CCDC91: variants seen among roughly 807,000 people sequenced by gnomAD.
CCDC91 encodes the protein coiled-coil domain-containing protein 91.
A neutral mutation model predicts 63.2 loss-of-function variants in CCDC91; 48 were observed. The observed-to-expected ratio is 0.76, with a 90% CI of 0.60 to 0.97. The LOEUF (loss-of-function observed/expected upper bound fraction) is 0.97. Ranked by LOEUF, CCDC91 falls within the 50% of genes least tolerant of loss-of-function variation. The probability of loss-of-function intolerance (pLI) is 0.00; values close to 1 mark genes in which losing one functional copy is unlikely to be tolerated. For synonymous variants in CCDC91, 167 were observed against 165.8 expected, an observed-to-expected ratio of 1.01 and a Z score of -0.06; for missense variants, 500 against 494.6, an observed-to-expected ratio of 1.01 and a Z score of -0.10.
At chr12:28,354,471 G>A (rs78041753) in intron 6 of CCDC91, among the ~76,000 whole-genome samples, 1,621 of 152,082 alleles carry the variant, frequency 0.011, 36 homozygotes, top group African/African-American at 0.037. Context: ...GGTTACATGC[G>A]CGGCTACCAG....
At chr12:28,454,589 GC>G (rs1949974526) in intron 11 of CCDC91, among the ~76,000 whole-genome samples, 1 of 152,122 alleles carries the variant, frequency 6.6e-6, no homozygotes, top group Admixed American at 6.6e-5. Context: ...ACAACTGTTT[GC>G]TTGTTAATTT....
At chr12:28,266,632 T>G (rs2136280631) in intron 3 of CCDC91, among the ~76,000 whole-genome samples, 1 of 152,132 alleles carries the variant, frequency 6.6e-6, no homozygotes, top group East Asian at 1.9e-4. Context: ...TTCACATTGC[T>G]TTTTCTAACA....
At chr12:28,368,429 A>G (rs1944410241) in intron 7 of CCDC91, among the ~76,000 whole-genome samples, 1 of 152,108 alleles carries the variant, frequency 6.6e-6, no homozygotes, top group Non-Finnish European at 1.5e-5. Context: ...ATATCCTGCT[A>G]TTGTTAGATG....
At chr12:28,406,210 A>G (rs1326121570) in intron 8 of CCDC91, among the ~76,000 whole-genome samples, 1 of 151,894 alleles carries the variant, frequency 6.6e-6, no homozygotes, top group African/African-American at 2.4e-5. Context: ...TAAGCCCAGC[A>G]TCCATTAGCT....
chr12:28,336,955 T>C (rs995233457), intron 6 of CCDC91, among the ~76,000 whole-genome samples: 2 of 152,182 alleles, frequency 1.3e-5, no homozygotes, highest in Non-Finnish European at 2.9e-5. Context: ...ATATTTTTCA[T>C]CTTTTAGTAT....
At chr12:28,260,414 A>G (rs1946747690) in intron 3 of CCDC91, among the ~76,000 whole-genome samples, 1 of 151,984 alleles carries the variant, frequency 6.6e-6, no homozygotes, top group Non-Finnish European at 1.5e-5. Flanking sequence ...AGTGTAAATG[A>G]GAGAAAGGTG....
At chr12:28,443,518 T>C (rs1949341875) in intron 8 of CCDC91, among the ~76,000 whole-genome samples, 1 of 152,070 alleles carries the variant, frequency 6.6e-6, no homozygotes, top group Non-Finnish European at 1.5e-5. Context: ...ATAAATACAC[T>C]GAGAGCCTCT....
In CCDC91 at chr12:28,391,343, A is replaced by G. The variant is rs200277976; in HGVS notation, c.694A>G (p.Ile232Val). 4 of 1,613,160 alleles carry G rather than the reference A, an allele frequency of 2.5e-6. No individual in the cohort carries two copies. The highest frequency in any genetic ancestry group is 4.5e-5 in the East Asian group (2 of 44,790). ...TTCAGTTAAGCAACAAGTAGAAGCT[A>G]TTGAAAAACAGTACATTTCTGCAAT... ...QSSVKQQVEA[I>V]EKQYISAIEK... Residue 232 changes from isoleucine to valine, a missense_variant, in exon 8 of 13, where the codon ATT becomes GTT. Physicochemically the swap from Ile to Val is conservative, Grantham distance 29. Transcript: ENST00000536442.
In CCDC91 at chr12:28,305,818, CAT is replaced by C. The variant is rs781000374; in HGVS notation, c.267+15_267+16del. On this transcript the variant is annotated intron_variant, in intron 4 of 12. Transcript: ENST00000536442. ...TTCCAAAAGCACAGGTAAAGACAAA[CAT>C]ATTTTTAAAGGAGGTTTGCATATTT... The C allele has an allele frequency of 8.8e-6, 14 of 1,596,420 alleles. No individual in the cohort carries two copies. Among genetic ancestry groups the C allele is most frequent in the African/African-American group, 2.7e-5 (2 of 74,018 alleles).
At chr12:28,347,905 G>A (rs1424848601) in intron 6 of CCDC91, among the ~76,000 whole-genome samples, 1 of 152,204 alleles carries the variant, frequency 6.6e-6, no homozygotes, top group Admixed American at 6.5e-5. Flanking sequence ...GAAATCTAGT[G>A]GGGACACTCC....
At chr12:28,503,613 C>T (rs1938274931) in intron 12 of CCDC91, among the ~76,000 whole-genome samples, 1 of 152,146 alleles carries the variant, frequency 6.6e-6, no homozygotes, top group African/African-American at 2.4e-5. Context: ...ACAAATCATA[C>T]TGCTATAAAG....
At chr12:28,300,383 A>G (rs983890070) in intron 3 of CCDC91, among the ~76,000 whole-genome samples, 1 of 151,586 alleles carries the variant, frequency 6.6e-6, no homozygotes, top group African/African-American at 2.4e-5. Context: ...TGCTTCACAC[A>G]TACTTGGATC....
chr12:28,337,606 G>A (rs920826958), intron 6 of CCDC91, among the ~76,000 whole-genome samples: 1 of 151,334 alleles, frequency 6.6e-6, no homozygotes, highest in Non-Finnish European at 1.5e-5. Flanking sequence ...CTTTAAATTG[G>A]TTTTATGAAA....
chr12:28,452,383 T>A (rs1181180645), intron 10 of CCDC91, 95 bp from the exon 11 acceptor site: 1 of 812,900 alleles, frequency 1.2e-6, no homozygotes, highest in African/African-American at 1.8e-5. Flanking sequence ...CACTATAGGA[T>A]CAAAGTTTTT....
rs1368798179 is a variant in CCDC91 at position 28,343,726 on chromosome 12, G to A, written c.577-18712G>A. Among the ~76,000 whole-genome samples, 5 of 152,020 alleles carry A rather than the reference G, an allele frequency of 3.3e-5. No homozygotes were observed. The East Asian group carries it at 9.6e-4, about 29-fold the overall frequency. ...CTGGTTTGATAGCAAATTTTATACA[G>A]CAAATTCTTATGGAATATTTGTTTC... On this transcript the variant is annotated intron_variant, in intron 6 of 12. Coordinates refer to ENST00000536442, the MANE Select transcript of CCDC91 (RefSeq NM_018318.5).
intron 1 of CCDC91, among the ~76,000 whole-genome samples, chr12:28,191,049 T>G (rs1368494125): frequency 6.6e-6 from 1 of 152,210 alleles, no homozygotes; most frequent in Non-Finnish European, 1.5e-5. Flanking sequence ...CCAAGTACAT[T>G]GGGGTAAAAG....
intron 8 of CCDC91, 52 bp from the exon 9 acceptor site, chr12:28,450,109 G>A: frequency 1.0e-6 from 1 of 1,001,754 alleles, no homozygotes; most frequent in Non-Finnish European, 1.5e-6. Flanking sequence ...TCTCCTTGTT[G>A]ACAGATACCT....
At chr12:28,334,275 T>G (rs1404229983) in intron 6 of CCDC91, among the ~76,000 whole-genome samples, 1 of 152,164 alleles carries the variant, frequency 6.6e-6, no homozygotes, top group Non-Finnish European at 1.5e-5. Flanking sequence ...TATAGTTCTA[T>G]TCTTTATCTA....
At chr12:28,335,164 A>G (rs1941839250) in intron 6 of CCDC91, among the ~76,000 whole-genome samples, 1 of 139,436 alleles carries the variant, frequency 7.2e-6, no homozygotes, top group South Asian at 2.2e-4. Flanking sequence ...CATATATTAA[A>G]TATAATGTTT....
Sources: gnomAD v4.1 joint callset for allele counts (sites outside exome capture counted in the v4.1 genomes callset) on GRCh38, gnomAD v4.1.1 for gene constraint, MANE v1.5 for transcripts, NCBI Gene and HGNC (gene_info 2026-07-23, HGNC 2026-07-21) for gene names.